COX6B1: variants seen among roughly 807,000 people sequenced by gnomAD.
COX6B1 encodes cytochrome c oxidase subunit 6B1.
In COX6B1, 2 loss-of-function variants were observed where a neutral mutation model predicts 14.0. The observed-to-expected ratio is 0.14, with a 90% CI of 0.06 to 0.45. The LOEUF is 0.45. COX6B1 is among the 20% of genes least tolerant of loss of function. The pLI is 0.98. For missense variants in COX6B1, 81 were observed against 114.2 expected (o/e 0.71, Z 1.33); for synonymous variants, 30 against 39.7 (o/e 0.76, Z 0.92).
At chr19:35,649,664 G>C (rs2146369042) in intron 1 of COX6B1, among the ~76,000 whole-genome samples, 1 of 152,188 alleles carries the variant, frequency 6.6e-6, no homozygotes, top group African/African-American at 2.4e-5. Flanking sequence ...ATTTTTAGTA[G>C]AGATGGGGTT....
intron 3 of COX6B1, among the ~76,000 whole-genome samples, chr19:35,655,842 A>T (rs1967883752): frequency 2.1e-4 from 26 of 124,138 alleles, no homozygotes; most frequent in African/African-American, 3.3e-4. Context: ...TCTCTTTCTC[A>T]CTCTTTCTCT....
In COX6B1 at chr19:35,658,616, G is replaced by T. The variant is rs778559323; in HGVS notation, c.230G>T (p.Arg77Leu). Residue 77 changes from arginine (R) to leucine (L), a missense_variant, in exon 4 of 4, where the codon CGG becomes CTG. Arg to Leu is a moderately radical substitution (Grantham distance 102). Coordinates refer to ENST00000649813, the MANE Select transcript of COX6B1 (RefSeq NM_001863.5). ...TSWVTDWDEQRAEGTFPGKI is the reference protein window; with the variant it reads ...TSWVTDWDEQLAEGTFPGKI ...CAGGTCACAGACTGGGATGAGCAAC[G>T]GGCTGAAGGCACGTTTCCCGGGAAG... 2 of 1,614,010 alleles carry T rather than the reference G, an allele frequency of 1.2e-6. No homozygotes were observed. The highest frequency in any genetic ancestry group is 1.7e-5 in the Admixed American group (1 of 59,988).
chr19:35,653,819 C>T (rs150774543), intron 2 of COX6B1, among the ~76,000 whole-genome samples: 8,645 of 152,154 alleles, frequency 0.057, 410 homozygotes, highest in East Asian at 0.25. Flanking sequence ...CTGCCTGCCT[C>T]GGCCTCCCAA....
At chr19:35,657,043 GT>G (rs1967895547) in intron 3 of COX6B1, among the ~76,000 whole-genome samples, 1 of 152,088 alleles carries the variant, frequency 6.6e-6, no homozygotes, top group Admixed American at 6.6e-5. Context: ...ATGGAAGACA[GT>G]TTTTCCACAG....
intron 3 of COX6B1, among the ~76,000 whole-genome samples, chr19:35,658,046 C>T (rs1967906715): frequency 1.3e-5 from 2 of 152,122 alleles, no homozygotes; most frequent in African/African-American, 2.4e-5. Context: ...CCCACATCGG[C>T]CCCGCAAAGT....
At position 35,658,566 on chromosome 19, in the gene COX6B1, C is replaced by T. The variant is rs185845523; in HGVS notation, c.208-28C>T. 1.9e-4 allele frequency: 299 copies of T among 1,605,216 alleles called. 1 individual carries two copies. The highest frequency in any genetic ancestry group is 4.5e-4 in the Admixed American group (27 of 59,972). On this transcript the variant is annotated intron_variant, in intron 3 of 3. Transcript: ENST00000649813. ...GTCCATCCGTTCAGTTTCCCCACTG[C>T]GGAGGGAATAACACTGTCTTTCCAC... is the stretch of plus-strand genomic sequence containing the variant.
chr19:35,654,751 C>T lies in COX6B1; in HGVS notation c.207+80C>T, dbSNP rs145496339. On this transcript the variant is annotated intron_variant, in intron 3 of 3. Coordinates refer to ENST00000649813, the MANE Select transcript of COX6B1 (RefSeq NM_001863.5). The stretch of plus-strand genomic sequence containing the variant: ...GGAGTGTGGTGGCTTGGTGGGAGCT[C>T]ATCTGTGAGGGGCAGAGGGAGGACA... 1.2e-4 allele frequency: 150 copies of T among 1,272,220 alleles called. 1 individual carries two copies. In the African/African-American group the frequency reaches 1.7e-3, roughly 14 times the overall value. The allele number at this position is 1,272,220 out of a possible 1,614,324, so 78.8% of individuals were successfully genotyped here.
rs1329834388 is a variant in COX6B1 at position 35,651,223 on chromosome 19, T to A, written c.-11-10T>A. On this transcript the variant is annotated splice_polypyrimidine_tract_variant and intron_variant, in intron 1 of 3. Transcript: ENST00000649813. ...GGGCCCCTGCTGACACCCACTCCTT[T>A]CGCCTCCAGGATTCAGCACCATGGC... 6.2e-7 allele frequency: 1 copy of A among 1,601,068 alleles called. No homozygotes were observed.
chr19:35,649,371 G>A (rs775008729), intron 1 of COX6B1, among the ~76,000 whole-genome samples: 2 of 151,804 alleles, frequency 1.3e-5, no homozygotes, highest in African/African-American at 2.4e-5. Context: ...CCAGGCTGGC[G>A]TGCAGTGGAG....
chr19:35,649,933 G>A (rs1967806191), intron 1 of COX6B1, among the ~76,000 whole-genome samples: 1 of 151,888 alleles, frequency 6.6e-6, no homozygotes, highest in African/African-American at 2.4e-5. Flanking sequence ...AAAATCACAG[G>A]TATTCTTATA....
chr19:35,648,490 T>C, intron 1 of COX6B1, 87 bp downstream of exon 1: 1 of 227,730 alleles, frequency 4.4e-6, no homozygotes, highest in Middle Eastern at 1.9e-3. Flanking sequence ...GGGTTGAGGC[T>C]TCCGGCTGGC....
At chr19:35,654,769 G>A in intron 3 of COX6B1, 98 bp downstream of exon 3, 1 of 1,027,812 alleles carries the variant, frequency 9.7e-7, no homozygotes, top group South Asian at 1.3e-5. Context: ...AGGGGCAGAG[G>A]GAGGACAGGG....
chr19:35,658,564 T>C (rs751234700), intron 3 of COX6B1, 30 bp from the exon 4 acceptor site: 2 of 1,602,234 alleles, frequency 1.2e-6, no homozygotes, highest in South Asian at 1.1e-5. Context: ...GTTTCCCCAC[T>C]GCGGAGGGAA....
Position 35,648,564 on chromosome 19 carries a change from G to C in COX6B1, c.-12+161G>C, listed in dbSNP as rs1043808322. 1.8e-5 allele frequency: 6 copies of C among 326,014 alleles called. No individual in the cohort carries two copies. In the Admixed American group the frequency reaches 2.5e-4, roughly 14 times the overall value. The allele number at this position is 326,014 out of a possible 1,614,324, so 20.2% of individuals were successfully genotyped here. On this transcript the variant is annotated intron_variant, in intron 1 of 3. Transcript: ENST00000649813. Reference sequence around the variant, plus strand: ...TCATCGTAAGAGCTAACAATGATACGGTTCTTCCTTGATGCCAGGCAACAT... The same window carrying C: ...TCATCGTAAGAGCTAACAATGATACCGTTCTTCCTTGATGCCAGGCAACAT...
At chr19:35,655,716 C>T (rs955934539) in intron 3 of COX6B1, among the ~76,000 whole-genome samples, 2 of 151,928 alleles carry the variant, frequency 1.3e-5, no homozygotes, top group African/African-American at 2.4e-5. Flanking sequence ...GTCTCAGCCT[C>T]CTGAGTAGCT....
intron 2 of COX6B1, among the ~76,000 whole-genome samples, chr19:35,652,965 A>ATTT (rs1330598420): frequency 0.093 from 11,279 of 121,428 alleles, 545 homozygotes; most frequent in Non-Finnish European, 0.11. Context: ...CACCCAGCTA[A>ATTT]TTTTTTTTTT....
intron 3 of COX6B1, among the ~76,000 whole-genome samples, chr19:35,656,583 C>T (rs1018209520): frequency 1.3e-5 from 2 of 150,082 alleles, no homozygotes; most frequent in African/African-American, 4.9e-5. Context: ...CAGGTTCAGG[C>T]GATTCCCCTG....
At chr19:35,649,733 G>A (rs955683751) in intron 1 of COX6B1, among the ~76,000 whole-genome samples, 1 of 151,884 alleles carries the variant, frequency 6.6e-6, no homozygotes, top group South Asian at 2.1e-4. Context: ...ACCCACCTCG[G>A]CTTCCCAAAG....
intron 3 of COX6B1, among the ~76,000 whole-genome samples, chr19:35,656,669 CAG>C (rs547854417): frequency 3.3e-5 from 5 of 151,862 alleles, no homozygotes; most frequent in Admixed American, 3.3e-4. Flanking sequence ...TTAGTAGAGA[CAG>C]AGTTTCACCA....
Sources: gnomAD v4.1 joint callset for allele counts (sites outside exome capture counted in the v4.1 genomes callset) on GRCh38, gnomAD v4.1.1 for gene constraint, MANE v1.5 for transcripts, NCBI Gene and HGNC (gene_info 2026-07-23, HGNC 2026-07-21) for gene names.